ANKRD13A: variants seen among roughly 807,000 people sequenced by gnomAD.
ANKRD13A encodes the protein ankyrin repeat domain 13A.
ANKRD13A carries 48 observed loss-of-function variants against 81.3 expected under a neutral mutation model. The observed-to-expected ratio is 0.59, with a 90% confidence interval of 0.47 to 0.75. ANKRD13A has a LOEUF of 0.75. Ranked by LOEUF, ANKRD13A falls within the 30% of genes least tolerant of loss-of-function variation. The probability of loss-of-function intolerance (pLI) is 0.00; values close to 1 mark genes in which losing one functional copy is unlikely to be tolerated. For synonymous variants in ANKRD13A, 230 were observed against 270.1 expected, an observed-to-expected ratio of 0.85 and a Z score of 1.45; for missense variants, 612 against 734.0, an observed-to-expected ratio of 0.83 and a Z score of 1.92.
chr12:110,009,626 C>T (rs1472108755), intron 1 of ANKRD13A, among the ~76,000 whole-genome samples: 2 of 152,200 alleles, frequency 1.3e-5, no homozygotes, highest in Admixed American at 1.3e-4. Context: ...TAAAATCACA[C>T]TGTCATCATA....
intron 13 of ANKRD13A, among the ~76,000 whole-genome samples, chr12:110,035,674 T>C (rs1365100912): frequency 2.0e-5 from 3 of 151,994 alleles, no homozygotes; most frequent in African/African-American, 7.3e-5. Flanking sequence ...GATCCCAAAC[T>C]CCAGACCTCA....
At chr12:110,000,455 C>G (rs1889895106) in intron 1 of ANKRD13A, among the ~76,000 whole-genome samples, 1 of 152,184 alleles carries the variant, frequency 6.6e-6, no homozygotes, top group South Asian at 2.1e-4. Context: ...TCCTTAAAAT[C>G]CCTTCCTGTT....
intron 3 of ANKRD13A, 72 bp from the exon 4 acceptor site, chr12:110,016,316 C>T (rs1890801546): frequency 8.5e-7 from 1 of 1,171,032 alleles, no homozygotes. Flanking sequence ...TTTAAGAACC[C>T]TGTTAACCCC....
rs1892237744 is a variant in ANKRD13A, at chr12:110,039,352, C to A, written c.*1798C>A. The A allele has an allele frequency of 6.6e-6, 1 of 152,200 alleles. No individual in the cohort carries two copies. The highest frequency in any genetic ancestry group is 6.5e-5 in the Admixed American group (1 of 15,280). The allele number at this position is 152,200 out of a possible 1,614,324, so 9.4% of individuals were successfully genotyped here. ...AAAAAGGGACTGAGCATTGTGTCAA[C>A]CTGTTGCAGTGTTTTTCATATATGT... On this transcript the variant is annotated 3_prime_UTR_variant, in exon 15 of 15. Coordinates refer to ENST00000261739, the MANE Select transcript of ANKRD13A (RefSeq NM_033121.2).
At chr12:110,023,825 A>C (rs1202749663) in intron 6 of ANKRD13A, 2 of 462,564 alleles carry the variant, frequency 4.3e-6, no homozygotes, top group Admixed American at 7.8e-5. Context: ...GAGGCTTTCT[A>C]TGCCTGGGGT....
chr12:110,033,459 T>G (rs1891830670), intron 12 of ANKRD13A, among the ~76,000 whole-genome samples: 1 of 152,122 alleles, frequency 6.6e-6, no homozygotes, highest in African/African-American at 2.4e-5. Context: ...TTATATATAC[T>G]TTTATATATT....
intron 1 of ANKRD13A, among the ~76,000 whole-genome samples, chr12:110,000,932 T>G (rs577552071): frequency 2.0e-5 from 3 of 151,642 alleles, no homozygotes; most frequent in Non-Finnish European, 4.4e-5. Context: ...TAATTTTGTA[T>G]TTTTAGTAGA....
rs746358295 is a variant in ANKRD13A at position 110,028,549 on chromosome 12, C to T, written c.983C>T (p.Thr328Ile). 7 of 1,614,174 alleles carry T rather than the reference C, an allele frequency of 4.3e-6. No homozygotes were observed. The East Asian group carries it at 1.3e-4, about 31-fold the overall frequency. Residue 328 changes from threonine to isoleucine, a missense_variant, in exon 10 of 15, where the codon ACA (threonine) becomes ATA (isoleucine). Thr to Ile is a moderately conservative substitution (Grantham distance 89). Coordinates refer to ENST00000261739, the MANE Select transcript of ANKRD13A (RefSeq NM_033121.2). Reference protein sequence around the residue: ...TTECATANNPTAITPDEYFNE... With the variant: ...TTECATANNPIAITPDEYFNE... ...GAATGTGCTACTGCAAACAACCCCA[C>T]AGCCATCACGCCTGATGAGTACTTC...
chr12:110,011,497 A>G (rs1427743910), intron 1 of ANKRD13A, among the ~76,000 whole-genome samples: 1 of 152,254 alleles, frequency 6.6e-6, no homozygotes, highest in Non-Finnish European at 1.5e-5. Context: ...GTGGAACTCA[A>G]TACACAATAA....
chr12:110,033,220 A>AT (rs549997034), intron 12 of ANKRD13A, among the ~76,000 whole-genome samples: 9,551 of 138,572 alleles, frequency 0.069, 537 homozygotes, highest in African/African-American at 0.16. Flanking sequence ...CGCCCGGCTA[A>AT]TTTTTTTTTT....
chr12:110,034,027 G>T, intron 13 of ANKRD13A, 70 bp downstream of exon 13: 4 of 1,394,972 alleles, frequency 2.9e-6, no homozygotes, highest in Non-Finnish European at 3.8e-6. Context: ...CTCAGTGTTT[G>T]GCTAATCTGA....
chr12:110,006,495 A>T (rs1890249153), intron 1 of ANKRD13A, among the ~76,000 whole-genome samples: 1 of 152,242 alleles, frequency 6.6e-6, no homozygotes, highest in African/African-American at 2.4e-5. Context: ...CCATTTAAAA[A>T]TTGAGTTATT....
chr12:110,016,448 G>T lies in ANKRD13A; in HGVS notation c.400+15G>T. 1 of 1,576,186 alleles carries T rather than the reference G, an allele frequency of 6.3e-7. No individual in the cohort carries two copies. Among genetic ancestry groups the T allele is most frequent in the Non-Finnish European group, 8.6e-7 (1 of 1,157,582 alleles). On this transcript the variant is annotated intron_variant, in intron 4 of 14. Coordinates refer to ENST00000261739, the MANE Select transcript of ANKRD13A (RefSeq NM_033121.2). ...CACCAGCTGGGGTGAGTGGCTGTGGGCTCGTTATTTATTTCTCTTTCTAAA... is the reference window on the plus strand; with the variant it reads ...CACCAGCTGGGGTGAGTGGCTGTGGTCTCGTTATTTATTTCTCTTTCTAAA...
At position 110,013,256 on chromosome 12, in the gene ANKRD13A, A is replaced by G. The variant is rs375764788; in HGVS notation, c.354+7A>G. On this transcript the variant is annotated splice_region_variant and intron_variant, in intron 3 of 14. Transcript: ENST00000261739. ...GCTCCAAAAAATTCTCGAGGTATCC[A>G]TGAAAATGTGGCCAGGCCATAATCT... 1.9e-6 allele frequency: 3 copies of G among 1,613,772 alleles called. No individual in the cohort carries two copies. The highest frequency in any genetic ancestry group is 2.7e-5 in the African/African-American group (2 of 74,922).
Position 110,036,121 on chromosome 12 carries a change from C to G in ANKRD13A, c.1510-140C>G. ...GTTGTTTTTGAGGTAACCCAAGTCCCTGTTAGCTTTTCACACAGCACTATT... is the reference window on the plus strand; with the variant it reads ...GTTGTTTTTGAGGTAACCCAAGTCCGTGTTAGCTTTTCACACAGCACTATT... On this transcript the variant is annotated intron_variant, in intron 13 of 14. Transcript: ENST00000261739. This position sits in a 1 kb window ranked among gnomAD's most constrained non-coding sequence, Gnocchi z 4.6. 1 of 773,104 alleles carries G rather than the reference C, an allele frequency of 1.3e-6. No homozygotes were observed. Among genetic ancestry groups the G allele is most frequent in the Non-Finnish European group, 2.2e-6 (1 of 446,702 alleles). The allele number at this position is 773,104 out of a possible 1,614,324, so 47.9% of individuals were successfully genotyped here.
In ANKRD13A at chr12:110,018,239, C is replaced by A; in HGVS notation, c.401-106C>A. The A allele has an allele frequency of 1.7e-6, 2 of 1,211,966 alleles. No homozygotes were observed. The highest frequency in any genetic ancestry group is 2.3e-6 in the Non-Finnish European group (2 of 870,388). 75.1% of individuals were successfully genotyped at this position (1,211,966 alleles called of 1,614,324 possible). A position where few individuals can be genotyped will look rare whatever the true frequency, so the allele number is the denominator to read the frequency against. ...AAGAAGTCCGTTGTTTGATGGTCAC[C>A]ATCTTGCCACTCCCCTCCTTTTATT... On this transcript the variant is annotated intron_variant, in intron 4 of 14. Coordinates refer to ENST00000261739, the MANE Select transcript of ANKRD13A (RefSeq NM_033121.2). The surrounding 1 kb of genome is among the most constrained non-coding windows in gnomAD (Gnocchi z 4.4).
chr12:110,018,596 A>G lies in ANKRD13A; in HGVS notation c.544+108A>G. 7.5e-7 allele frequency: 1 copy of G among 1,331,320 alleles called. No individual in the cohort carries two copies. Among genetic ancestry groups the G allele is most frequent in the Non-Finnish European group, 1.0e-6 (1 of 974,332 alleles). 82.5% of individuals were successfully genotyped at this position (1,331,320 alleles called of 1,614,324 possible). On this transcript the variant is annotated intron_variant, in intron 5 of 14. Transcript: ENST00000261739. This position sits in a 1 kb window ranked among gnomAD's most constrained non-coding sequence, Gnocchi z 4.4. ...GTGACTTTTCTGTCTGATCCTTCCTAGGGCATGTTTTTTTGGTTATTCTTA... is the reference window on the plus strand; with the variant it reads ...GTGACTTTTCTGTCTGATCCTTCCTGGGGCATGTTTTTTTGGTTATTCTTA...
chr12:110,019,956 T>G (rs1046749315), intron 6 of ANKRD13A, among the ~76,000 whole-genome samples: 1 of 152,072 alleles, frequency 6.6e-6, no homozygotes, highest in Non-Finnish European at 1.5e-5. Flanking sequence ...ATGGAGGGCA[T>G]GGGGGGGCCT....
At chr12:110,012,289 C>G (rs1052352848) in intron 2 of ANKRD13A, 152 bp downstream of exon 2, 1 of 865,530 alleles carries the variant, frequency 1.2e-6, no homozygotes, top group Non-Finnish European at 1.7e-6. Context: ...CACCTGAGCC[C>G]GGGGAGGTTG....
Sources: allele counts gnomAD v4.1 joint callset (sites outside exome capture counted in the v4.1 genomes callset), GRCh38; gene constraint gnomAD v4.1.1; non-coding constraint Gnocchi (gnomAD v3.1); transcripts MANE v1.5; gene names NCBI Gene and HGNC (gene_info 2026-07-23, HGNC 2026-07-21).